Variants in TBC1D22A observed in about 807,000 individuals in gnomAD.
The protein encoded by TBC1D22A is putative GTPase activator.
TBC1D22A carries 38 observed loss-of-function variants against 60.2 expected under a neutral mutation model. That is an observed-to-expected ratio of 0.63 (90% CI 0.49 to 0.83). The LOEUF (loss-of-function observed/expected upper bound fraction) is 0.83, where lower values mean the gene tolerates loss of function less well. Ranked by LOEUF, TBC1D22A falls within the 40% of genes least tolerant of loss-of-function variation. The probability of loss-of-function intolerance (pLI) is 0.00; values close to 1 mark genes in which losing one functional copy is unlikely to be tolerated. For missense variants in TBC1D22A, 628 were observed against 701.0 expected (o/e 0.90, Z 1.18); for synonymous variants, 302 against 281.7 (o/e 1.07, Z -0.72).
rs998499436 is a variant in TBC1D22A, at chr22:46,798,492, C to G, written c.637+872C>G. On this transcript the variant is annotated intron_variant, in intron 4 of 12. Coordinates refer to ENST00000337137, the MANE Select transcript of TBC1D22A (RefSeq NM_014346.5). The stretch of plus-strand genomic sequence containing the variant: ...CCTGCGCGAGTTGCTTCCAGGCACA[C>G]GCAGTGCCCATGTGGACTGCCGTGG... 3.3e-5 allele frequency among the ~76,000 whole-genome samples: 5 copies of G among 152,370 alleles called. No individual in the cohort carries two copies. The South Asian group carries it at 1.0e-3, about 32-fold the overall frequency.
At chr22:47,070,055 C>A (rs2063921521) in intron 11 of TBC1D22A, among the ~76,000 whole-genome samples, 1 of 136,690 alleles carries the variant, frequency 7.3e-6, no homozygotes, top group African/African-American at 3.0e-5. Flanking sequence ...TGGTTCCAGG[C>A]TGTTCCCTGT....
intron 4 of TBC1D22A, among the ~76,000 whole-genome samples, chr22:46,814,732 C>T (rs1046892994): frequency 5.9e-5 from 9 of 151,950 alleles, no homozygotes; most frequent in Admixed American, 1.3e-4. Context: ...CTGCAACCTC[C>T]GCCTCACAGG....
chr22:47,076,361 G>GTGTATATATATATATATATATATA (rs1392245000), intron 11 of TBC1D22A, among the ~76,000 whole-genome samples: 2 of 101,932 alleles, frequency 2.0e-5, no homozygotes, highest in Admixed American at 1.1e-4. Context: ...ATATGTGTGT[G>GTGTATATATATATATATATATATA]TATATATATA....
chr22:46,864,172 A>T (rs1248864605), intron 4 of TBC1D22A, among the ~76,000 whole-genome samples: 5 of 152,244 alleles, frequency 3.3e-5, no homozygotes, highest in Non-Finnish European at 1.5e-5. Flanking sequence ...ATAGAAGAAG[A>T]AGTTAAAGCT....
chr22:47,147,091 G>C (rs1045059915), intron 12 of TBC1D22A, among the ~76,000 whole-genome samples: 2 of 152,226 alleles, frequency 1.3e-5, no homozygotes, highest in Admixed American at 6.5e-5. Flanking sequence ...CGCCCAGCCT[G>C]AGTCCAGAAG....
intron 4 of TBC1D22A, among the ~76,000 whole-genome samples, chr22:46,861,672 C>T (rs922614471): frequency 6.6e-6 from 1 of 152,216 alleles, no homozygotes; most frequent in African/African-American, 2.4e-5. Context: ...GGGAGGAGGG[C>T]GGCTGTTGCC....
chr22:46,823,319 T>C (rs1203996687), intron 4 of TBC1D22A, among the ~76,000 whole-genome samples: 3 of 152,216 alleles, frequency 2.0e-5, no homozygotes, highest in African/African-American at 7.2e-5. Flanking sequence ...ATAATGCACG[T>C]TTATTATAGA....
At position 46,998,808 on chromosome 22, in the gene TBC1D22A, C is replaced by G. The variant is rs191741679; in HGVS notation, c.1201+1099C>G. ...TCTTCTGATAATACTTTCAGTGTTA[C>G]GTTTAGCTGCTTTTCAACCCATCAT... On this transcript the variant is annotated intron_variant, in intron 10 of 12. Coordinates refer to ENST00000337137, the MANE Select transcript of TBC1D22A (RefSeq NM_014346.5). 1.3e-4 allele frequency among the ~76,000 whole-genome samples: 20 copies of G among 152,336 alleles called. No homozygotes were observed. In the East Asian group the frequency reaches 3.7e-3, roughly 28 times the overall value.
At chr22:46,960,266 C>CT (rs897986641) in intron 8 of TBC1D22A, among the ~76,000 whole-genome samples, 136 of 145,758 alleles carry the variant, frequency 9.3e-4, no homozygotes, top group Non-Finnish European at 9.0e-4. Flanking sequence ...TTGGACTCAT[C>CT]TTTTTTTTTT....
chr22:47,066,273 C>T (rs559423351), intron 11 of TBC1D22A, among the ~76,000 whole-genome samples: 9 of 152,312 alleles, frequency 5.9e-5, no homozygotes, highest in East Asian at 1.9e-4. Flanking sequence ...CTGGTGCTCA[C>T]GCAGGAGGAT....
rs552557662 is a variant in TBC1D22A, at chr22:46,813,865, G to T, written c.637+16245G>T. Among the ~76,000 whole-genome samples the T allele has an allele frequency of 2.6e-4, 39 of 152,364 alleles. No individual in the cohort carries two copies. In the East Asian group the frequency reaches 6.4e-3, roughly 25 times the overall value. ...GGGTTCCATGAAGGCAGGGGCACCT[G>T]ACGGACAAGAAATCAGATCTAAAAA... On this transcript the variant is annotated intron_variant, in intron 4 of 12. Coordinates refer to ENST00000337137, the MANE Select transcript of TBC1D22A (RefSeq NM_014346.5).
At chr22:46,766,511 CTAGTAAGGGA>C (rs964175598) in intron 1 of TBC1D22A, among the ~76,000 whole-genome samples, 1 of 152,126 alleles carries the variant, frequency 6.6e-6, no homozygotes, top group African/African-American at 2.4e-5. Flanking sequence ...CAATACAAGA[CTAGTAAGGGA>C]TCTTTCAGAT....
chr22:46,835,949 A>G (rs1199961909), intron 4 of TBC1D22A, among the ~76,000 whole-genome samples: 2 of 149,134 alleles, frequency 1.3e-5, no homozygotes, highest in Admixed American at 1.3e-4. Flanking sequence ...TAATGCAAGG[A>G]AAAAAAAAAC....
At chr22:47,135,936 C>G (rs1319724023) in intron 12 of TBC1D22A, among the ~76,000 whole-genome samples, 1 of 152,174 alleles carries the variant, frequency 6.6e-6, no homozygotes, top group East Asian at 1.9e-4. Context: ...ACCACCCGGA[C>G]ACACGTGGTG....
intron 10 of TBC1D22A, among the ~76,000 whole-genome samples, chr22:47,010,731 G>A (rs1390868168): frequency 6.6e-6 from 1 of 152,110 alleles, no homozygotes. Flanking sequence ...TGGATGTCCT[G>A]AGTTTCTTAA....
intron 12 of TBC1D22A, among the ~76,000 whole-genome samples, chr22:47,167,589 G>A (rs1162479398): frequency 6.6e-6 from 1 of 152,210 alleles, no homozygotes; most frequent in African/African-American, 2.4e-5. Flanking sequence ...GTGGACGCCA[G>A]AGAGTAAGGC....
intron 8 of TBC1D22A, among the ~76,000 whole-genome samples, chr22:46,912,785 G>C (rs1311756124): frequency 6.6e-6 from 1 of 152,202 alleles, no homozygotes; most frequent in East Asian, 1.9e-4. Context: ...TCGAACTCCT[G>C]ACCTCGTGAT....
intron 4 of TBC1D22A, among the ~76,000 whole-genome samples, chr22:46,863,580 A>G (rs1207832343): frequency 6.6e-6 from 1 of 152,184 alleles, no homozygotes. Context: ...TAACCTTGTC[A>G]TTTGATGCAC....
Position 46,974,320 on chromosome 22 carries a change from C to T in TBC1D22A, c.1046C>T (p.Ser349Phe). ...EAEEVDTVDV[S>F]GVPAEVLCNI... ...GAGGAGGTGGACACGGTGGACGTCT[C>T]CGGCGTGCCCGCAGAGGTGCTGTGC... is the stretch of plus-strand genomic sequence containing the variant. The change falls in exon 9 of 13, where the codon TCC becomes TTC. Residue 349 changes from serine to phenylalanine, a missense_variant. Coordinates refer to ENST00000337137, the MANE Select transcript of TBC1D22A (RefSeq NM_014346.5). 6.2e-7 allele frequency: 1 copy of T among 1,603,788 alleles called. No homozygotes were observed. Among genetic ancestry groups the T allele is most frequent in the South Asian group, 1.1e-5 (1 of 88,982 alleles).
Sources: gnomAD v4.1 joint callset for allele counts (sites outside exome capture counted in the v4.1 genomes callset) on GRCh38, gnomAD v4.1.1 for gene constraint, MANE v1.5 for transcripts, NCBI Gene and HGNC (gene_info 2026-07-23, HGNC 2026-07-21) for gene names.